Variants in CFAP144 observed in about 807,000 individuals in gnomAD.
The protein encoded by CFAP144 is cilia- and flagella-associated protein 144.
At chr1:43,147,841 C>G in the CFAP144 span, 1 of 1,542,556 alleles carries the variant, frequency 6.5e-7, no homozygotes, top group Non-Finnish European at 8.7e-7. Context: ...CAGCACTACC[C>G]GAGCGCTGTT....
chr1:43,147,893 A>G, the CFAP144 span: 1 of 1,597,122 alleles, frequency 6.3e-7, no homozygotes, highest in Non-Finnish European at 8.5e-7. Flanking sequence ...GACAGCGGGG[A>G]CGCGTTGCCT....
chr1:43,154,543 A>G, the CFAP144 span, among the ~76,000 whole-genome samples: 1 of 151,836 alleles, frequency 6.6e-6, no homozygotes, highest in Admixed American at 6.6e-5. Context: ...GTGGGGAGGT[A>G]ACATCGTGAA....
the CFAP144 span, among the ~76,000 whole-genome samples, chr1:43,153,310 C>T: frequency 6.6e-6 from 1 of 152,094 alleles, no homozygotes; most frequent in African/African-American, 2.4e-5. Context: ...CTTCCTTATC[C>T]ATAAAAAATG....
the CFAP144 span, chr1:43,156,128 G>A: frequency 8.4e-7 from 1 of 1,186,742 alleles, no homozygotes. Context: ...CCTGATATAA[G>A]CCAGGCCCAT....
the CFAP144 span, among the ~76,000 whole-genome samples, chr1:43,143,364 A>T: frequency 2.0e-5 from 3 of 152,212 alleles, no homozygotes; most frequent in Non-Finnish European, 4.4e-5. Context: ...GGAAATAGGG[A>T]AGTTTACTAA....
At chr1:43,146,699 A>T in the CFAP144 span, among the ~76,000 whole-genome samples, 4 of 152,218 alleles carry the variant, frequency 2.6e-5, no homozygotes, top group African/African-American at 7.2e-5. Context: ...GACTAAACCC[A>T]TTCTGCAATT....
chr1:43,147,910 TGTGGAAGGCCCAGGCAAGAGGGCGC>T, the CFAP144 span: 269 of 1,605,682 alleles, frequency 1.7e-4, no homozygotes, highest in Non-Finnish European at 2.1e-4. Flanking sequence ...GCCTGGAGAC[TGTGGAAGGCCCAGGCAAGAGGGCGC>T]GTGGCAGCCC....
the CFAP144 span, chr1:43,156,323 G>A: frequency 4.4e-5 from 71 of 1,601,904 alleles, no homozygotes; most frequent in Middle Eastern, 6.6e-4. Context: ...GCATCCCAGC[G>A]GATGAGCCCA....
the CFAP144 span, among the ~76,000 whole-genome samples, chr1:43,151,020 A>AT: frequency 1.3e-5 from 2 of 152,152 alleles, no homozygotes; most frequent in Admixed American, 6.5e-5. Flanking sequence ...AAAAATAAAA[A>AT]TTTTTTTAAA....
chr1:43,152,800 C>T, the CFAP144 span: 12 of 1,579,608 alleles, frequency 7.6e-6, no homozygotes, highest in South Asian at 1.1e-5. Flanking sequence ...AAGCCTGACT[C>T]CTTCATAACT....
chr1:43,156,071 G>A, the CFAP144 span: 1 of 705,080 alleles, frequency 1.4e-6, no homozygotes, highest in Admixed American at 2.2e-5. Flanking sequence ...TGATGTACAT[G>A]TGGTCATCTC....
the CFAP144 span, among the ~76,000 whole-genome samples, chr1:43,144,082 A>G: frequency 6.6e-6 from 1 of 152,028 alleles, no homozygotes; most frequent in Non-Finnish European, 1.5e-5. Context: ...ATTTCTTCCC[A>G]TTTTCCCAAT....
the CFAP144 span, among the ~76,000 whole-genome samples, chr1:43,143,108 C>T: frequency 6.6e-6 from 1 of 152,104 alleles, no homozygotes; most frequent in African/African-American, 2.4e-5. Flanking sequence ...TCTCTCCTCT[C>T]ACGACCGTCA....
chr1:43,152,091 A>G, the CFAP144 span, among the ~76,000 whole-genome samples: 1 of 152,082 alleles, frequency 6.6e-6, no homozygotes, highest in African/African-American at 2.4e-5. Flanking sequence ...CAGATGAGTA[A>G]AGTGGCCCAG....
At chr1:43,147,801 G>T in the CFAP144 span, 3 of 1,495,256 alleles carry the variant, frequency 2.0e-6, no homozygotes, top group Non-Finnish European at 2.7e-6. Context: ...AGGGTAAGGG[G>T]CTGGCAGAGT....
chr1:43,151,172 A>T, the CFAP144 span, among the ~76,000 whole-genome samples: 164 of 152,306 alleles, frequency 1.1e-3, 1 homozygote, highest in African/African-American at 3.7e-3. Context: ...ACTCAGTTCA[A>T]ATCCTGGTTC....
chr1:43,156,322 C>T, the CFAP144 span: 79 of 1,599,574 alleles, frequency 4.9e-5, no homozygotes, highest in Non-Finnish European at 6.1e-5. Context: ...AGCATCCCAG[C>T]GGATGAGCCC....
the CFAP144 span, among the ~76,000 whole-genome samples, chr1:43,147,259 T>C: frequency 6.6e-5 from 10 of 152,242 alleles, no homozygotes; most frequent in Non-Finnish European, 1.2e-4. Context: ...TGTTGTTTAA[T>C]GGGTGTGAAA....
At chr1:43,151,290 C>T in the CFAP144 span, among the ~76,000 whole-genome samples, 6 of 152,188 alleles carry the variant, frequency 3.9e-5, no homozygotes, top group East Asian at 3.8e-4. Context: ...AGAACAGTAG[C>T]TGGTACATGG....
Sources: gnomAD v4.1 joint callset for allele counts (sites outside exome capture counted in the v4.1 genomes callset) on GRCh38, gnomAD v4.1.1 for gene constraint, MANE v1.5 for transcripts, NCBI Gene and HGNC (gene_info 2026-07-23, HGNC 2026-07-21) for gene names.